The following NTM variants were observed in gnomAD, a reference collection of about 807,000 sequenced individuals.
The protein encoded by NTM is neurotrimin.
Under a neutral mutation model 42.1 loss-of-function variants are expected in NTM, and 13 were observed. The ratio of observed to expected loss-of-function variants is 0.31; its 90% CI spans 0.20 to 0.49. The LOEUF is 0.49. NTM is among the 20% of genes least tolerant of loss of function. The pLI is 0.99. For synonymous variants in NTM, 187 were observed against 179.2 expected, an observed-to-expected ratio of 1.04 and a Z score of -0.35; for missense variants, 373 against 452.8, an observed-to-expected ratio of 0.82 and a Z score of 1.60.
At chr11:131,696,111 G>C (rs1484156765) in intron 1 of NTM, among the ~76,000 whole-genome samples, 2 of 152,208 alleles carry the variant, frequency 1.3e-5, no homozygotes, top group African/African-American at 4.8e-5. Flanking sequence ...CCGGCCCCCA[G>C]GGGAAGGAGG....
At chr11:132,018,944 T>C (rs2135499900) in intron 2 of NTM, among the ~76,000 whole-genome samples, 1 of 152,124 alleles carries the variant, frequency 6.6e-6, no homozygotes, top group African/African-American at 2.4e-5. Flanking sequence ...TTTGGAAATG[T>C]GTGTCTTTCT....
At chr11:131,454,374 G>A (rs1037224600) in intron 1 of NTM, among the ~76,000 whole-genome samples, 1 of 152,106 alleles carries the variant, frequency 6.6e-6, no homozygotes, top group Admixed American at 6.5e-5. Context: ...GAGTAAGGGG[G>A]GACTACTGTA....
At chr11:132,316,253 C>G (rs1372369912) in intron 7 of NTM, among the ~76,000 whole-genome samples, 2 of 151,042 alleles carry the variant, frequency 1.3e-5, no homozygotes, top group Non-Finnish European at 3.0e-5. Context: ...GGAGAAGCAG[C>G]AAACAAACAG....
chr11:131,507,326 T>C (rs1002539923), intron 1 of NTM, among the ~76,000 whole-genome samples: 3 of 151,690 alleles, frequency 2.0e-5, no homozygotes, highest in Admixed American at 6.6e-5. Context: ...CCTTTCCCCA[T>C]TGCTTGTTTT....
intron 2 of NTM, 95 bp downstream of exon 2, chr11:131,911,743 T>G: frequency 1.4e-6 from 2 of 1,478,510 alleles, no homozygotes; most frequent in Non-Finnish European, 1.9e-6. Context: ...GTGCCTGGGT[T>G]GGCGGAGAGG....
chr11:131,489,115 C>T (rs1351110784), intron 1 of NTM, among the ~76,000 whole-genome samples: 2 of 152,188 alleles, frequency 1.3e-5, no homozygotes, highest in African/African-American at 2.4e-5. Context: ...TCCAGCTCTC[C>T]CCTTGGTTCC....
intron 3 of NTM, among the ~76,000 whole-genome samples, chr11:132,151,531 A>T (rs575677853): frequency 3.5e-4 from 54 of 152,348 alleles, no homozygotes; most frequent in African/African-American, 1.3e-3. Context: ...TTAGTGTAAT[A>T]AAAAATGTTA....
intron 2 of NTM, among the ~76,000 whole-genome samples, chr11:132,127,680 C>A (rs2066076918): frequency 6.6e-6 from 1 of 152,228 alleles, no homozygotes; most frequent in African/African-American, 2.4e-5. Context: ...TTTCCTTGAG[C>A]CAGAGCGGCA....
At chr11:131,835,398 C>T (rs2043359951) in intron 1 of NTM, among the ~76,000 whole-genome samples, 1 of 151,864 alleles carries the variant, frequency 6.6e-6, no homozygotes, top group African/African-American at 2.4e-5. Context: ...ACACCTCCTA[C>T]AAATAAAAAA....
intron 2 of NTM, among the ~76,000 whole-genome samples, chr11:131,992,491 A>C (rs1033577707): frequency 6.6e-6 from 1 of 151,940 alleles, no homozygotes; most frequent in Admixed American, 6.6e-5. Flanking sequence ...CGGTGTATGA[A>C]CATAAGACTA....
At chr11:131,612,809 G>C (rs2061568740) in intron 1 of NTM, among the ~76,000 whole-genome samples, 1 of 152,208 alleles carries the variant, frequency 6.6e-6, no homozygotes, top group Admixed American at 6.5e-5. Context: ...AGCCTCTCTG[G>C]CTGAGTCTCT....
intron 7 of NTM, among the ~76,000 whole-genome samples, chr11:132,321,266 T>C (rs2095562471): frequency 6.6e-6 from 1 of 152,052 alleles, no homozygotes; most frequent in African/African-American, 2.4e-5. Context: ...GGCAAAGAAG[T>C]TGAAAACTTT....
intron 2 of NTM, among the ~76,000 whole-genome samples, chr11:132,047,030 G>C (rs1043941248): frequency 2.0e-5 from 3 of 152,178 alleles, no homozygotes. Flanking sequence ...GGAACCCTGG[G>C]CTCAGAGATC....
chr11:132,175,915 C>A (rs1205289299), intron 3 of NTM, among the ~76,000 whole-genome samples: 1 of 152,176 alleles, frequency 6.6e-6, no homozygotes, highest in Admixed American at 6.6e-5. Flanking sequence ...ACATTCTTTA[C>A]ATTTTTTTTG....
chr11:132,270,245 T>C (rs2093412393), intron 4 of NTM, among the ~76,000 whole-genome samples: 1 of 152,196 alleles, frequency 6.6e-6, no homozygotes, highest in South Asian at 2.1e-4. Flanking sequence ...ATTATTTTCT[T>C]TTTTGAGACA....
intron 2 of NTM, among the ~76,000 whole-genome samples, chr11:131,983,039 T>G (rs982052426): frequency 3.4e-5 from 5 of 148,488 alleles, no homozygotes; most frequent in Admixed American, 2.7e-4. Flanking sequence ...CCTTAGCTAC[T>G]CAAAGGAAAA....
intron 1 of NTM, among the ~76,000 whole-genome samples, chr11:131,397,344 A>C (rs1192752677): frequency 6.6e-6 from 1 of 151,992 alleles, no homozygotes; most frequent in Non-Finnish European, 1.5e-5. Flanking sequence ...CAATTTTATC[A>C]TTTTACCTTT....
intron 1 of NTM, among the ~76,000 whole-genome samples, chr11:131,817,222 C>T (rs1477966469): frequency 1.3e-5 from 2 of 152,180 alleles, no homozygotes; most frequent in African/African-American, 4.8e-5. Context: ...CCCTAAAAGG[C>T]TCAAGCATAT....
At chr11:131,466,905 A>G (rs982110833) in intron 1 of NTM, among the ~76,000 whole-genome samples, 3 of 152,168 alleles carry the variant, frequency 2.0e-5, no homozygotes, top group African/African-American at 4.8e-5. Flanking sequence ...CTGCAAGGAC[A>G]AGGGGAATGA....
Sources: gnomAD v4.1 joint callset for allele counts (sites outside exome capture counted in the v4.1 genomes callset) on GRCh38, gnomAD v4.1.1 for gene constraint, MANE v1.5 for transcripts, NCBI Gene and HGNC (gene_info 2026-07-23, HGNC 2026-07-21) for gene names.